SERPINC1: variants seen among roughly 807,000 people sequenced by gnomAD.
SERPINC1 encodes the protein antithrombin-III.
SERPINC1 carries 12 observed loss-of-function variants against 43.4 expected under a neutral mutation model. The observed-to-expected ratio is 0.28, with a 90% CI of 0.18 to 0.45. The LOEUF is 0.45. Among genes scored for constraint, SERPINC1 ranks in the 20% least tolerant of loss-of-function variants. SERPINC1 has a pLI of 1.00. For missense variants in SERPINC1, 423 were observed against 578.8 expected (o/e 0.73, Z 2.76); for synonymous variants, 210 against 218.9 (o/e 0.96, Z 0.36).
Position 173,909,958 on chromosome 1 carries a change from A to G in SERPINC1, c.763-16T>C, listed in dbSNP as rs145418597. 67 of 1,613,718 alleles carry G rather than the reference A, an allele frequency of 4.2e-5. No homozygotes were observed. In the African/African-American group the frequency reaches 6.9e-4, roughly 17 times the overall value. ...TCCACAGGCCCTGGAAGAGAATCACAAAGTAAGAACACAAACATTCATAGG... is the reference window on the plus strand; with the variant it reads ...TCCACAGGCCCTGGAAGAGAATCACGAAGTAAGAACACAAACATTCATAGG... On this transcript the variant is annotated splice_polypyrimidine_tract_variant and intron_variant, in intron 4 of 6. Coordinates refer to ENST00000367698, the MANE Select transcript of SERPINC1 (RefSeq NM_000488.4).
intron 5 of SERPINC1, 140 bp from the exon 6 acceptor site, chr1:173,907,654 A>G: frequency 2.7e-6 from 2 of 750,260 alleles, no homozygotes; most frequent in Non-Finnish European, 4.9e-6. Flanking sequence ...ACCTAATCAT[A>G]CTCTCACAAT....
intron 3 of SERPINC1, among the ~76,000 whole-genome samples, chr1:173,911,442 T>C (rs1162814223): frequency 1.3e-5 from 2 of 152,260 alleles, no homozygotes; most frequent in African/African-American, 2.4e-5. Context: ...GAGGAGAATG[T>C]AACATGCATC....
chr1:173,911,749 CTGAGTGGAGAGGAAG>C, intron 3 of SERPINC1, 35 bp downstream of exon 3: 1 of 1,411,336 alleles, frequency 7.1e-7, no homozygotes, highest in Admixed American at 1.7e-5. Flanking sequence ...TCCTCAATCT[CTGAGTGGAGAGGAAG>C]AACTCGGAGG....
In SERPINC1 at chr1:173,907,480, G is replaced by A. The variant is rs1445450594; in HGVS notation, c.1188C>T (p.Val396=). The A allele has an allele frequency of 6.2e-7, 1 of 1,613,884 alleles. No individual in the cohort carries two copies. Among genetic ancestry groups the A allele is most frequent in the Admixed American group, 1.7e-5 (1 of 60,010 alleles). Residue 396 remains valine (V), a synonymous_variant, in exon 6 of 7, where the codon GTC becomes GTT. Transcript: ENST00000367698. ...GAAATGCCTTATGGAATGCATCTGA[G>A]ACATAGAGGTCATCTCGGCCTTCTG... is the stretch of plus-strand genomic sequence containing the variant. ...IVAEGRDDLY[V]SDAFHKAFLE...
Position 173,914,695 on chromosome 1 carries a change from C to A in SERPINC1, c.266G>T (p.Arg89Leu), listed in dbSNP as rs745583962. ...GTGCTGATAGAAAGTGGTAGCAAAGCGGGAATTGGCCTTGGACAGTTCCCA... is the reference window on the plus strand; with the variant it reads ...GTGCTGATAGAAAGTGGTAGCAAAGAGGGAATTGGCCTTGGACAGTTCCCA... ...RVWELSKANS[R>L]FATTFYQHLA... Residue 89 changes from arginine to leucine, a missense_variant, in exon 2 of 7, where the codon CGC becomes CTC. Arg to Leu is a moderately radical substitution (Grantham distance 102). Transcript: ENST00000367698. 1 of 1,614,202 alleles carries A rather than the reference C, an allele frequency of 6.2e-7. No individual in the cohort carries two copies.
chr1:173,914,288 G>A (rs1657893815), intron 2 of SERPINC1, among the ~76,000 whole-genome samples: 1 of 152,140 alleles, frequency 6.6e-6, no homozygotes, highest in South Asian at 2.1e-4. Flanking sequence ...GAAGTTGAGA[G>A]AAGATACAAG....
Position 173,909,915 on chromosome 1 carries a change from C to G in SERPINC1, c.790G>C (p.Glu264Gln). ...TAGAACAGTTCCTTCCTTGTGTTCT[C>G]AGGGCTGAACTTTGACTTCCACAGG... ...KGLWKSKFSP[E>Q]NTRKELFYKA... The change falls in exon 5 of 7, where the codon GAG (glutamate) becomes CAG (glutamine). Residue 264 changes from glutamate to glutamine, a missense_variant. Transcript: ENST00000367698. 4 of 1,614,190 alleles carry G rather than the reference C, an allele frequency of 2.5e-6. No homozygotes were observed. The highest frequency in any genetic ancestry group is 3.4e-6 in the Non-Finnish European group (4 of 1,180,048).
chr1:173,910,496 C>T (rs200635591), intron 4 of SERPINC1, among the ~76,000 whole-genome samples: 1 of 152,002 alleles, frequency 6.6e-6, no homozygotes, highest in African/African-American at 2.4e-5. Context: ...CAGGAGAATG[C>T]CGTGAACCCA....
At chr1:173,915,150 A>T in intron 1 of SERPINC1, 1 of 1,419,620 alleles carries the variant, frequency 7.0e-7, no homozygotes, top group Non-Finnish European at 9.2e-7. Context: ...GAATCATCTG[A>T]TGGTTATTTG....
intron 5 of SERPINC1, among the ~76,000 whole-genome samples, chr1:173,908,076 G>C (rs1013237537): frequency 1.3e-5 from 2 of 151,394 alleles, no homozygotes; most frequent in Non-Finnish European, 2.9e-5. Flanking sequence ...TCATTCTCAG[G>C]CTTCAGCTTT....
intron 1 of SERPINC1, chr1:173,915,190 G>A (rs1557904429): frequency 7.5e-7 from 1 of 1,331,664 alleles, no homozygotes; most frequent in African/African-American, 1.5e-5. Flanking sequence ...CCCCACGCTG[G>A]GAGAAAAAAG....
At chr1:173,911,571 T>A (rs985209281) in intron 3 of SERPINC1, among the ~76,000 whole-genome samples, 4 of 152,218 alleles carry the variant, frequency 2.6e-5, no homozygotes. Context: ...AATGAAGAAT[T>A]GATTATTAAT....
At chr1:173,906,436 G>A (rs749064127) in intron 6 of SERPINC1, among the ~76,000 whole-genome samples, 1 of 152,218 alleles carries the variant, frequency 6.6e-6, no homozygotes, top group African/African-American at 2.4e-5. Flanking sequence ...TCTCCCATGA[G>A]AGGATATGCA....
At chr1:173,912,886 G>A (rs922304320) in intron 2 of SERPINC1, among the ~76,000 whole-genome samples, 1 of 152,170 alleles carries the variant, frequency 6.6e-6, no homozygotes, top group Non-Finnish European at 1.5e-5. Flanking sequence ...CTTACCTGGG[G>A]ACAGAGACAT....
chr1:173,910,580 A>AAAATAAAT (rs200550996), intron 4 of SERPINC1, among the ~76,000 whole-genome samples, 174 bp downstream of exon 4: 2 of 151,978 alleles, frequency 1.3e-5, no homozygotes, highest in African/African-American at 2.4e-5. Context: ...GACTCTGTCA[A>AAAATAAAT]AAATAAATAA....
intron 1 of SERPINC1, among the ~76,000 whole-genome samples, chr1:173,915,777 G>A (rs143319899): frequency 6.6e-6 from 1 of 152,302 alleles, no homozygotes; most frequent in East Asian, 1.9e-4. Flanking sequence ...CTTCCACTGA[G>A]CTCCAGACTG....
Position 173,903,946 on chromosome 1 carries a change from T to C in SERPINC1, c.1338A>G (p.Glu446=), listed in dbSNP as rs1263564864. Residue 446 remains glutamate (E), a synonymous_variant, in exon 7 of 7, where the codon GAA becomes GAG. Transcript: ENST00000367698. Reference sequence around the variant, plus strand: ...TGAAGATAATAGTGTTCAGAGGAACTTCTCTTATAAAAACCAGGAAAGGCC... The same window carrying C: ...TGAAGATAATAGTGTTCAGAGGAACCTCTCTTATAAAAACCAGGAAAGGCC... ...ANRPFLVFIR[E]VPLNTIIFMG... 1.6e-5 allele frequency: 26 copies of C among 1,614,088 alleles called. No individual in the cohort carries two copies. Among genetic ancestry groups the C allele is most frequent in the Non-Finnish European group, 2.1e-5 (25 of 1,180,022 alleles).
chr1:173,906,651 T>C (rs1027900580), intron 6 of SERPINC1, among the ~76,000 whole-genome samples: 2 of 151,476 alleles, frequency 1.3e-5, no homozygotes, highest in African/African-American at 4.9e-5. Flanking sequence ...TTTTTTTTTT[T>C]AAGATTTTTT....
At chr1:173,911,326 GCAGT>G (rs1164465612) in intron 3 of SERPINC1, among the ~76,000 whole-genome samples, 1 of 152,208 alleles carries the variant, frequency 6.6e-6, no homozygotes, top group African/African-American at 2.4e-5. Context: ...AAATGCCCAT[GCAGT>G]CAAATACATT....
Sources: gnomAD v4.1 joint callset for allele counts (sites outside exome capture counted in the v4.1 genomes callset) on GRCh38, gnomAD v4.1.1 for gene constraint, MANE v1.5 for transcripts, NCBI Gene and HGNC (gene_info 2026-07-23, HGNC 2026-07-21) for gene names.